Variants in AK5 observed in about 807,000 individuals in gnomAD.
AK5 encodes the protein adenylate kinase isoenzyme 5.
Under a neutral mutation model 69.5 loss-of-function variants are expected in AK5, and 27 were observed. The ratio of observed to expected loss-of-function variants is 0.39; its 90% confidence interval spans 0.29 to 0.54. AK5 has a LOEUF of 0.54. Among genes scored for constraint, AK5 ranks in the 20% least tolerant of loss-of-function variants. The pLI, the probability that AK5 is intolerant of heterozygous loss-of-function variation, is 0.71. For missense variants in AK5, 531 were observed against 700.4 expected, an observed-to-expected ratio of 0.76 and a Z score of 2.73; for synonymous variants, 260 against 244.4, an observed-to-expected ratio of 1.06 and a Z score of -0.60.
intron 6 of AK5, among the ~76,000 whole-genome samples, chr1:77,360,487 A>T (rs137993431): frequency 6.6e-6 from 1 of 152,116 alleles, no homozygotes; most frequent in Non-Finnish European, 1.5e-5. Context: ...GAGTAGGCAG[A>T]GAAGTTAGGG....
intron 6 of AK5, among the ~76,000 whole-genome samples, chr1:77,402,212 C>T (rs74092609): frequency 0.021 from 3,140 of 152,120 alleles, 119 homozygotes; most frequent in African/African-American, 0.072. Flanking sequence ...CCTATGCTAC[C>T]GCTGCAGCAC....
chr1:77,475,193 A>ATGTG (rs1373657527), intron 8 of AK5, among the ~76,000 whole-genome samples: 4 of 10,286 alleles, frequency 3.9e-4, no homozygotes, highest in African/African-American at 1.8e-3. Context: ...ATATATATAT[A>ATGTG]TATGTGTGTG....
intron 8 of AK5, among the ~76,000 whole-genome samples, chr1:77,426,467 A>G (rs2100601213): frequency 6.6e-6 from 1 of 152,346 alleles, no homozygotes; most frequent in East Asian, 1.9e-4. Flanking sequence ...ACAACTAAGC[A>G]TCAAAACACG....
intron 3 of AK5, among the ~76,000 whole-genome samples, chr1:77,294,980 A>C (rs1019010921): frequency 1.3e-5 from 2 of 152,122 alleles, no homozygotes. Flanking sequence ...AGTGAACTCC[A>C]CTGCACTCCA....
At chr1:77,482,701 G>C (rs576150691) in intron 8 of AK5, among the ~76,000 whole-genome samples, 1 of 151,726 alleles carries the variant, frequency 6.6e-6, no homozygotes, top group Non-Finnish European at 1.5e-5. Flanking sequence ...AACCCGGGAG[G>C]TGGAGGTTGC....
chr1:77,501,771 TCAAA>T (rs973830386), intron 10 of AK5, among the ~76,000 whole-genome samples: 12 of 152,152 alleles, frequency 7.9e-5, no homozygotes, highest in African/African-American at 2.9e-4. Flanking sequence ...AGGGCTCAGG[TCAAA>T]CAAAATTAGA....
chr1:77,411,557 T>G (rs1236364505), intron 7 of AK5, among the ~76,000 whole-genome samples: 3 of 152,168 alleles, frequency 2.0e-5, no homozygotes, highest in Non-Finnish European at 2.9e-5. Flanking sequence ...TGGACTCTGA[T>G]GTAGAGTAAT....
intron 6 of AK5, among the ~76,000 whole-genome samples, chr1:77,392,889 C>G (rs1648581295): frequency 1.3e-5 from 2 of 151,972 alleles, no homozygotes; most frequent in Admixed American, 1.3e-4. Context: ...CCCTTCCAAC[C>G]AGGACATAGT....
intron 5 of AK5, among the ~76,000 whole-genome samples, chr1:77,309,191 T>G (rs1557483851): frequency 6.6e-6 from 1 of 151,872 alleles, no homozygotes. Flanking sequence ...CTTTTACCTA[T>G]GTACCTGTGT....
chr1:77,468,137 G>C (rs756781322), intron 8 of AK5, among the ~76,000 whole-genome samples: 1 of 152,218 alleles, frequency 6.6e-6, no homozygotes, highest in Non-Finnish European at 1.5e-5. Context: ...AACTCTTGAG[G>C]GGGTGGGAGA....
Position 77,293,880 on chromosome 1 carries a change from T to G in AK5, c.335T>G (p.Leu112Arg). 6.2e-7 allele frequency: 1 copy of G among 1,613,662 alleles called. No individual in the cohort carries two copies. Among genetic ancestry groups the G allele is most frequent in the South Asian group, 1.1e-5 (1 of 90,978 alleles). The change falls in exon 3 of 14, where the codon CTC becomes CGC. Residue 112 changes from leucine to arginine, a missense_variant. Leu to Arg is a moderately radical substitution (Grantham distance 102, BLOSUM62 -2). Coordinates refer to ENST00000354567, the MANE Select transcript of AK5 (RefSeq NM_174858.3). ...HQFSIESDTD[L>R]SETAELIEEY... ...TTCTCCATAGAAAGTGACACGGATC[T>G]CTCTGAGACTGCAGAGTTGATTGAG...
chr1:77,405,606 T>C (rs1226545231), intron 6 of AK5, among the ~76,000 whole-genome samples: 1 of 152,192 alleles, frequency 6.6e-6, no homozygotes, highest in Non-Finnish European at 1.5e-5. Context: ...TCAGCACTTC[T>C]AGATTCAGGG....
At chr1:77,419,667 T>C (rs1180769612) in intron 8 of AK5, among the ~76,000 whole-genome samples, 3 of 92,698 alleles carry the variant, frequency 3.2e-5, no homozygotes, top group Non-Finnish European at 7.2e-5. Flanking sequence ...CAGAGCTAAA[T>C]AGTTGTCAAA....
chr1:77,544,193 T>C (rs1659423392), intron 13 of AK5, among the ~76,000 whole-genome samples: 1 of 152,184 alleles, frequency 6.6e-6, no homozygotes, highest in Non-Finnish European at 1.5e-5. Flanking sequence ...ATTTCAGTGG[T>C]AAACTTGCTG....
Position 77,308,085 on chromosome 1 carries a change from CTG to C in AK5, c.699+10140_699+10141del, listed in dbSNP as rs551059605. Among the ~76,000 whole-genome samples, 12 of 152,202 alleles carry C rather than the reference CTG, an allele frequency of 7.9e-5. No homozygotes were observed. In the South Asian group the frequency reaches 2.5e-3, roughly 32 times the overall value. On this transcript the variant is annotated intron_variant, in intron 5 of 13. Transcript: ENST00000354567. ...TTTAAGTCACATGGCTTTATCTCGACTGTAAAGGAGGTGGGAAATGTGATCAA... is the reference window on the plus strand; with the variant it reads ...TTTAAGTCACATGGCTTTATCTCGACTAAAGGAGGTGGGAAATGTGATCAA...
At chr1:77,318,729 T>G (rs892716998) in intron 5 of AK5, among the ~76,000 whole-genome samples, 2 of 151,832 alleles carry the variant, frequency 1.3e-5, no homozygotes, top group African/African-American at 4.8e-5. Context: ...TTTTTTTTTC[T>G]GCTTGTCCAG....
At chr1:77,462,643 A>G (rs1231046768) in intron 8 of AK5, among the ~76,000 whole-genome samples, 2 of 152,164 alleles carry the variant, frequency 1.3e-5, no homozygotes, top group African/African-American at 4.8e-5. Context: ...CAGTATTAAT[A>G]CACATGCTTT....
chr1:77,302,052 A>G (rs1391918748), intron 5 of AK5, among the ~76,000 whole-genome samples: 1 of 151,690 alleles, frequency 6.6e-6, no homozygotes, highest in African/African-American at 2.4e-5. Context: ...CTCCTGGACC[A>G]CACTCAGCTA....
In AK5 at chr1:77,499,869, C is replaced by CTTTTTTTTTTTTTTTTTTTTTTTTTT. The variant is rs749712310; in HGVS notation, c.1147+13517_1147+13518insTTTTTTTTTTTTTTTTTTTTTTTTTT. Among the ~76,000 whole-genome samples the CTTTTTTTTTTTTTTTTTTTTTTTTTT allele has an allele frequency of 5.1e-5, 4 of 78,768 alleles. 1 individual carries two copies. Among genetic ancestry groups the CTTTTTTTTTTTTTTTTTTTTTTTTTT allele is most frequent in the Non-Finnish European group, 7.1e-5 (3 of 42,048 alleles). 51.7% of individuals were successfully genotyped at this position (78,768 alleles called of 152,430 possible). A position where few individuals can be genotyped will look rare whatever the true frequency, so the allele number is the denominator to read the frequency against. ...GATGACAGAGACCATGCCCTTTTTC[C>CTTTTTTTTTTTTTTTTTTTTTTTTTT]ATTTTTTTTTTTTTTTTTTTTTTTT... is the stretch of plus-strand genomic sequence containing the variant. On this transcript the variant is annotated intron_variant, in intron 10 of 13. Coordinates refer to ENST00000354567, the MANE Select transcript of AK5 (RefSeq NM_174858.3).
Sources: gnomAD v4.1 joint callset for allele counts (sites outside exome capture counted in the v4.1 genomes callset) on GRCh38, gnomAD v4.1.1 for gene constraint, MANE v1.5 for transcripts, NCBI Gene and HGNC (gene_info 2026-07-23, HGNC 2026-07-21) for gene names.